RSBN1L: variants seen among roughly 807,000 people sequenced by gnomAD.
The protein encoded by RSBN1L is lysine-specific demethylase RSBN1L.
Under a neutral mutation model 67.7 loss-of-function variants are expected in RSBN1L, and 30 were observed. The observed-to-expected ratio is 0.44, with a 90% confidence interval of 0.33 to 0.60. The LOEUF is 0.60. RSBN1L is among the 20% of genes least tolerant of loss of function. The pLI, the probability that RSBN1L is intolerant of heterozygous loss-of-function variation, is 0.02. For missense variants in RSBN1L, 992 were observed against 1,031.7 expected, an observed-to-expected ratio of 0.96 and a Z score of 0.53; for synonymous variants, 433 against 387.0, an observed-to-expected ratio of 1.12 and a Z score of -1.39.
intron 1 of RSBN1L, chr7:77,697,414 T>C (rs969316842): frequency 4.9e-6 from 1 of 204,250 alleles, no homozygotes; most frequent in South Asian, 1.9e-4. Flanking sequence ...TTGTAAAAGA[T>C]GCTTGATTGA....
chr7:77,774,574 CACAT>C (rs1791887085), intron 6 of RSBN1L, among the ~76,000 whole-genome samples: 2 of 152,050 alleles, frequency 1.3e-5, no homozygotes, highest in African/African-American at 2.4e-5. Flanking sequence ...TAAAAATACA[CACAT>C]ACACAAAAAT....
At chr7:77,777,849 G>A (rs1012964065) in intron 6 of RSBN1L, among the ~76,000 whole-genome samples, 2 of 151,942 alleles carry the variant, frequency 1.3e-5, no homozygotes, top group African/African-American at 4.8e-5. Flanking sequence ...CAAGTTTATT[G>A]TATTAGTACT....
rs1457092440 is a variant in RSBN1L at position 77,765,248 on chromosome 7, T to C, written c.1345-247T>C. Among the ~76,000 whole-genome samples, 5 of 152,194 alleles carry C rather than the reference T, an allele frequency of 3.3e-5. No individual in the cohort carries two copies. The East Asian group carries it at 9.6e-4, about 29-fold the overall frequency. On this transcript the variant is annotated intron_variant, in intron 3 of 7. Transcript: ENST00000334955. ...GTCTTAACTCTGTTTTCATAAGCAGTGTGTAGGAATAGTTAGAGAAAGTAA... is the reference window on the plus strand; with the variant it reads ...GTCTTAACTCTGTTTTCATAAGCAGCGTGTAGGAATAGTTAGAGAAAGTAA...
rs1329203978 is a variant in RSBN1L at position 77,780,799 on chromosome 7, A to G, written c.*1631A>G. ...GGTAGGAGACGGATTGACAGTGCCTAACTAAAGATGAGTAAAACAGACCTC... is the reference window on the plus strand; with the variant it reads ...GGTAGGAGACGGATTGACAGTGCCTGACTAAAGATGAGTAAAACAGACCTC... On this transcript the variant is annotated 3_prime_UTR_variant, in exon 8 of 8. Coordinates refer to ENST00000334955, the MANE Select transcript of RSBN1L (RefSeq NM_198467.3). 2.0e-5 allele frequency: 3 copies of G among 152,258 alleles called. No individual in the cohort carries two copies. Among genetic ancestry groups the G allele is most frequent in the African/African-American group, 7.2e-5 (3 of 41,474 alleles). 9.4% of individuals were successfully genotyped at this position (152,258 alleles called of 1,614,324 possible).
chr7:77,771,241 GC>G (rs1172431349), intron 5 of RSBN1L, among the ~76,000 whole-genome samples: 38 of 152,200 alleles, frequency 2.5e-4, no homozygotes, highest in African/African-American at 8.7e-4. Context: ...CCTGATTATA[GC>G]TTTTTAGATT....
intron 1 of RSBN1L, among the ~76,000 whole-genome samples, chr7:77,715,218 G>T (rs948535105): frequency 3.3e-5 from 5 of 152,186 alleles, no homozygotes; most frequent in Admixed American, 2.0e-4. Context: ...GTTGCAGTTA[G>T]CTGAGATTGC....
At chr7:77,699,316 A>G (rs756287981) in intron 1 of RSBN1L, among the ~76,000 whole-genome samples, 1 of 152,192 alleles carries the variant, frequency 6.6e-6, no homozygotes, top group Non-Finnish European at 1.5e-5. Context: ...AAACTGAACC[A>G]CACACACTCG....
At chr7:77,741,710 A>G (rs1212445904) in intron 2 of RSBN1L, among the ~76,000 whole-genome samples, 1 of 152,016 alleles carries the variant, frequency 6.6e-6, no homozygotes, top group East Asian at 1.9e-4. Context: ...AAAAAAAGAA[A>G]AGAAAAGAAT....
At chr7:77,717,971 A>G (rs1055353097) in intron 1 of RSBN1L, among the ~76,000 whole-genome samples, 8 of 152,230 alleles carry the variant, frequency 5.3e-5, no homozygotes, top group African/African-American at 1.9e-4. Context: ...GTGAGCCGAG[A>G]TCGTGCTGCT....
At chr7:77,703,480 T>C (rs1218589722) in intron 1 of RSBN1L, among the ~76,000 whole-genome samples, 2 of 58,250 alleles carry the variant, frequency 3.4e-5, no homozygotes, top group African/African-American at 1.5e-4. Flanking sequence ...TGTTTGGGTT[T>C]TTTTTTTTTT....
chr7:77,753,487 G>A (rs1301119172), intron 3 of RSBN1L, among the ~76,000 whole-genome samples: 1 of 151,964 alleles, frequency 6.6e-6, no homozygotes, highest in Admixed American at 6.6e-5. Context: ...TTGATTTGTT[G>A]GACTATTATA....
intron 1 of RSBN1L, among the ~76,000 whole-genome samples, chr7:77,721,956 A>C (rs1791125695): frequency 1.3e-5 from 2 of 152,222 alleles, no homozygotes; most frequent in Admixed American, 1.3e-4. Flanking sequence ...GCTAGTGAGA[A>C]TACACTAGGT....
intron 2 of RSBN1L, among the ~76,000 whole-genome samples, chr7:77,742,181 AT>A (rs373760656): frequency 1.7e-4 from 7 of 41,078 alleles, no homozygotes; most frequent in African/African-American, 5.3e-4. Context: ...AAAAAAAAAA[AT>A]ACACACACAC....
intron 1 of RSBN1L, among the ~76,000 whole-genome samples, chr7:77,732,289 G>A (rs1358103170): frequency 6.6e-6 from 1 of 152,150 alleles, no homozygotes; most frequent in South Asian, 2.1e-4. Flanking sequence ...CCACGGCACT[G>A]TTTTCCATCA....
At chr7:77,700,261 T>C (rs749511571) in intron 1 of RSBN1L, among the ~76,000 whole-genome samples, 10 of 152,208 alleles carry the variant, frequency 6.6e-5, no homozygotes, top group Non-Finnish European at 1.3e-4. Flanking sequence ...TTTAGAATTA[T>C]TTTATGGCAA....
Position 77,716,815 on chromosome 7 carries a change from A to G in RSBN1L, c.587-19595A>G, listed in dbSNP as rs1010487370. 2.6e-5 allele frequency among the ~76,000 whole-genome samples: 4 copies of G among 151,718 alleles called. No homozygotes were observed. The East Asian group carries it at 7.7e-4, about 29-fold the overall frequency. ...CCAGGCTATTTTTTGTATTTTTAGTAGAGACGGGGTTTCACCATGTTGACC... is the reference window on the plus strand; with the variant it reads ...CCAGGCTATTTTTTGTATTTTTAGTGGAGACGGGGTTTCACCATGTTGACC... On this transcript the variant is annotated intron_variant, in intron 1 of 7. Coordinates refer to ENST00000334955, the MANE Select transcript of RSBN1L (RefSeq NM_198467.3).
chr7:77,737,405 C>T (rs770790886), intron 2 of RSBN1L, among the ~76,000 whole-genome samples: 5 of 152,130 alleles, frequency 3.3e-5, no homozygotes, highest in African/African-American at 4.8e-5. Context: ...GCATATGTAG[C>T]AAAATAACTG....
intron 1 of RSBN1L, among the ~76,000 whole-genome samples, chr7:77,708,005 T>G (rs1790917577): frequency 6.6e-6 from 1 of 152,258 alleles, no homozygotes; most frequent in African/African-American, 2.4e-5. Flanking sequence ...AAATAAGTTG[T>G]AAATCTAGGT....
At chr7:77,721,103 TG>T (rs1474449121) in intron 1 of RSBN1L, among the ~76,000 whole-genome samples, 2 of 152,032 alleles carry the variant, frequency 1.3e-5, no homozygotes, top group African/African-American at 4.8e-5. Flanking sequence ...GCTTGGGTGG[TG>T]GTGGAAGAAA....
Sources: allele counts gnomAD v4.1 joint callset (sites outside exome capture counted in the v4.1 genomes callset), GRCh38; gene constraint gnomAD v4.1.1; transcripts MANE v1.5; gene names NCBI Gene and HGNC (gene_info 2026-07-23, HGNC 2026-07-21).